WDPCP: variants seen among roughly 807,000 people sequenced by gnomAD.
WDPCP encodes the protein WD repeat containing planar cell polarity effector.
Under a neutral mutation model 93.1 loss-of-function variants are expected in WDPCP, and 71 were observed. The ratio of observed to expected loss-of-function variants is 0.76; its 90% CI spans 0.63 to 0.93. The LOEUF (loss-of-function observed/expected upper bound fraction) is 0.93. WDPCP is among the 40% of genes least tolerant of loss of function. The probability of loss-of-function intolerance (pLI) is 0.00; values close to 1 mark genes in which losing one functional copy is unlikely to be tolerated. For missense variants in WDPCP, 844 were observed against 887.4 expected (o/e 0.95, Z 0.62); for synonymous variants, 315 against 315.0 (o/e 1.00, Z 0.00).
At chr2:63,182,465 A>AACTAT (rs1341237851) in intron 14 of WDPCP, among the ~76,000 whole-genome samples, 1 of 152,040 alleles carries the variant, frequency 6.6e-6, no homozygotes, top group African/African-American at 2.4e-5. Context: ...GAGTATGTTG[A>AACTAT]ACTATACTTG....
chr2:63,518,511 C>T (rs1265339155), intron 1 of WDPCP: 2 of 152,392 alleles, frequency 1.3e-5, no homozygotes, highest in Non-Finnish European at 2.9e-5. Flanking sequence ...GAGCTGCATA[C>T]AGGAGTGGTA....
chr2:63,181,476 T>G (rs1403358698), intron 14 of WDPCP, among the ~76,000 whole-genome samples: 1 of 152,042 alleles, frequency 6.6e-6, no homozygotes, highest in African/African-American at 2.4e-5. Flanking sequence ...ATGTTTGTGT[T>G]GACATTGTCA....
upstream of WDPCP, among the ~76,000 whole-genome samples, chr2:63,832,161 CT>C (rs1315350353): frequency 6.6e-6 from 1 of 152,188 alleles, no homozygotes; most frequent in Non-Finnish European, 1.5e-5. Context: ...GCTGGATAGC[CT>C]AAGATGGGCT....
chr2:63,437,666 A>C (rs1262697370), intron 7 of WDPCP, 112 bp from the exon 8 acceptor site: 9 of 1,098,874 alleles, frequency 8.2e-6, no homozygotes, highest in South Asian at 6.8e-5. Context: ...GAAATCACTA[A>C]AGTCTCTTGA....
At chr2:63,584,668 G>A (rs999232254) in intron 1 of WDPCP, among the ~76,000 whole-genome samples, 1 of 152,004 alleles carries the variant, frequency 6.6e-6, no homozygotes, top group Non-Finnish European at 1.5e-5. Flanking sequence ...TACATCTCTT[G>A]ATTTAAATGG....
At chr2:63,629,703 G>A (rs1346972090) in intron 3 of WDPCP, among the ~76,000 whole-genome samples, 1 of 152,176 alleles carries the variant, frequency 6.6e-6, no homozygotes, top group Non-Finnish European at 1.5e-5. Context: ...GTAACAAGGA[G>A]CCCTCAACCC....
chr2:63,369,225 A>C, intron 12 of WDPCP: 1 of 325,836 alleles, frequency 3.1e-6, no homozygotes, highest in South Asian at 2.7e-5. Context: ...CTGGTACTAT[A>C]ATCAAATGTC....
intron 3 of WDPCP, among the ~76,000 whole-genome samples, chr2:63,628,652 T>C (rs1709834644): frequency 6.6e-6 from 1 of 152,166 alleles, no homozygotes; most frequent in South Asian, 2.1e-4. Flanking sequence ...GGCCTCAGTT[T>C]TTCCATACAA....
chr2:63,236,827 G>A lies in WDPCP; in HGVS notation c.1915+22480C>T, dbSNP rs145420101. ...ACCTCTCAACATATACAAAAATTAA[G>A]TCAAGATGAATAAGACTTGAATGTA... On this transcript the variant is annotated intron_variant, in intron 14 of 17. Coordinates refer to ENST00000272321, the MANE Select transcript of WDPCP (RefSeq NM_015910.7). Among the ~76,000 whole-genome samples the A allele has an allele frequency of 2.8e-4, 43 of 152,118 alleles. No homozygotes were observed. The East Asian group carries it at 7.3e-3, about 26-fold the overall frequency.
rs1302487406 is a variant in WDPCP at position 63,120,705 on chromosome 2, T to G, written c.*1301A>C. Among the ~76,000 whole-genome samples the G allele has an allele frequency of 1.3e-5, 2 of 151,510 alleles. No homozygotes were observed. Among genetic ancestry groups the G allele is most frequent in the Admixed American group, 1.3e-4 (2 of 15,214 alleles). ...CCACGCCCGGCTAATTTTTTTTTTTTTTGTATTTTTAGTAGAGACGGGGTT... is the reference window on the plus strand; with the variant it reads ...CCACGCCCGGCTAATTTTTTTTTTTGTTGTATTTTTAGTAGAGACGGGGTT... On this transcript the variant is annotated 3_prime_UTR_variant, in exon 18 of 18. Transcript: ENST00000272321.
At chr2:63,228,674 C>T (rs952224735) in intron 14 of WDPCP, 1 of 151,378 alleles carries the variant, frequency 6.6e-6, no homozygotes, top group African/African-American at 2.4e-5. Context: ...TGAGTGAGAA[C>T]ATATGGTGTT....
intron 12 of WDPCP, among the ~76,000 whole-genome samples, chr2:63,318,009 A>G (rs937606269): frequency 1.3e-5 from 2 of 152,230 alleles, no homozygotes; most frequent in South Asian, 4.1e-4. Context: ...AAATATTCAC[A>G]AACTATGCAT....
rs183102739 is a variant in WDPCP, at chr2:63,656,757, G to A, written n.309-5919C>T. Among the ~76,000 whole-genome samples, 34 of 152,342 alleles carry A rather than the reference G, an allele frequency of 2.2e-4. 1 individual carries two copies. Among genetic ancestry groups the A allele is most frequent in the Admixed American group, 1.8e-3 (27 of 15,300 alleles). On this transcript the variant is annotated intron_variant and non_coding_transcript_variant, in intron 2 of 4. Transcript: ENST00000467687. ...CTGTCCTCATGAACTTACATTCAAC[G>A]TAGGGACAGACAATAAAATAATAAA...
chr2:63,832,735 T>A (rs558983221), upstream of WDPCP, among the ~76,000 whole-genome samples: 28 of 152,356 alleles, frequency 1.8e-4, no homozygotes, highest in South Asian at 5.2e-3. Flanking sequence ...TTCTTTTGAG[T>A]GCCTATTATG....
intron 1 of WDPCP, among the ~76,000 whole-genome samples, chr2:63,495,426 G>A (rs1416203085): frequency 1.3e-5 from 2 of 152,066 alleles, no homozygotes; most frequent in Non-Finnish European, 2.9e-5. Context: ...TTACAGTTAA[G>A]TTTTTTTCTT....
chr2:63,124,758 T>G (rs1424527870), intron 17 of WDPCP, among the ~76,000 whole-genome samples: 1 of 152,184 alleles, frequency 6.6e-6, no homozygotes, highest in African/African-American at 2.4e-5. Context: ...AATCTGAAAT[T>G]GTTTTATTTT....
chr2:63,587,761 C>T lies in WDPCP; in HGVS notation c.75+436G>A, dbSNP rs566686651. Among the ~76,000 whole-genome samples, 9 of 152,314 alleles carry T rather than the reference C, an allele frequency of 5.9e-5. No individual in the cohort carries two copies. In the East Asian group the frequency reaches 1.3e-3, roughly 23 times the overall value. On this transcript the variant is annotated intron_variant, in intron 1 of 17. Coordinates refer to ENST00000272321, the MANE Select transcript of WDPCP (RefSeq NM_015910.7). ...GACTGACTAAACAACCAGTGTCTCC[C>T]CTTCAGTCGCCAGTCTTTCCTTAGA...
intron 1 of WDPCP, among the ~76,000 whole-genome samples, chr2:63,515,760 C>T (rs1166135522): frequency 1.3e-5 from 2 of 152,206 alleles, no homozygotes; most frequent in African/African-American, 2.4e-5. Flanking sequence ...TGGCTCACGC[C>T]TATAATCCCA....
intron 1 of WDPCP, among the ~76,000 whole-genome samples, chr2:63,826,494 T>A (rs2104152541): frequency 6.6e-6 from 1 of 152,212 alleles, no homozygotes; most frequent in East Asian, 1.9e-4. Context: ...TCTTTTATAT[T>A]TATGAAAATT....
Sources: allele counts gnomAD v4.1 joint callset (sites outside exome capture counted in the v4.1 genomes callset), GRCh38; gene constraint gnomAD v4.1.1; transcripts MANE v1.5; gene names NCBI Gene and HGNC (gene_info 2026-07-23, HGNC 2026-07-21).